Variants in CFAP97 observed in about 807,000 individuals in gnomAD.
The protein encoded by CFAP97 is cilia- and flagella-associated protein 97.
A neutral mutation model predicts 43.1 loss-of-function variants in CFAP97; 36 were observed. That is an observed-to-expected ratio of 0.84 (90% CI 0.64 to 1.10). The LOEUF is 1.10. CFAP97 is among the 50% of genes least tolerant of loss of function. The probability of loss-of-function intolerance (pLI) is 0.00; values close to 1 mark genes in which losing one functional copy is unlikely to be tolerated. For synonymous variants in CFAP97, 228 were observed against 225.7 expected, an observed-to-expected ratio of 1.01 and a Z score of -0.09; for missense variants, 657 against 620.3, an observed-to-expected ratio of 1.06 and a Z score of -0.63.
intron 3 of CFAP97, among the ~76,000 whole-genome samples, chr4:185,173,594 T>C (rs1456183001): frequency 3.9e-5 from 6 of 152,056 alleles, no homozygotes; most frequent in Non-Finnish European, 7.4e-5. Flanking sequence ...TGCTACAACA[T>C]AGATGAAACA....
At chr4:185,191,570 G>A (rs112853756) in intron 1 of CFAP97, among the ~76,000 whole-genome samples, 5,969 of 152,284 alleles carry the variant, frequency 0.039, 382 homozygotes, top group African/African-American at 0.13. Context: ...GGTGGCTCAT[G>A]CCTGTAATCC....
Position 185,175,834 on chromosome 4 carries a change from A to G in CFAP97, c.1272T>C (p.Ser424=), listed in dbSNP as rs769681094. Residue 424 remains serine (S), a synonymous_variant, in exon 3 of 5, where the codon AGT becomes AGC. Coordinates refer to ENST00000458385, the MANE Select transcript of CFAP97 (RefSeq NM_020827.3). ...GTTGTTCCTTCTGTCTGTTGAGAGC[A>G]CTGTGATATAACTTTGGGGGATGAT... ...SADHPPKLYH[S]ALNRQKEQQR... is the part of the protein sequence containing the mutation. The G allele has an allele frequency of 1.2e-6, 2 of 1,613,898 alleles. No individual in the cohort carries two copies. The highest frequency in any genetic ancestry group is 1.7e-6 in the Non-Finnish European group (2 of 1,179,848).
chr4:185,190,509 T>A lies in CFAP97; in HGVS notation c.688A>T (p.Thr230Ser), dbSNP rs1171860464. The change falls in exon 2 of 5, where the codon ACA becomes TCA. Residue 230 changes from threonine (T) to serine (S), a missense_variant. By Grantham distance (58) the Thr-to-Ser change is moderately conservative. Coordinates refer to ENST00000458385, the MANE Select transcript of CFAP97 (RefSeq NM_020827.3). ...GTAGTACTTGAAGGCTGTGTTTCTG[T>A]CGATTTTATTCCTGATTTATACTTG... is the stretch of plus-strand genomic sequence containing the variant. ...KHKYKSGIKS[T>S]ETQPSSTTPK... 6.2e-7 allele frequency: 1 copy of A among 1,613,838 alleles called. No individual in the cohort carries two copies. Among genetic ancestry groups the A allele is most frequent in the Non-Finnish European group, 8.5e-7 (1 of 1,179,884 alleles).
At chr4:185,186,217 G>A (rs1326073904) in intron 2 of CFAP97, among the ~76,000 whole-genome samples, 1 of 152,194 alleles carries the variant, frequency 6.6e-6, no homozygotes, top group African/African-American at 2.4e-5. Flanking sequence ...TGGATCACCT[G>A]AGGTCAGGAG....
intron 3 of CFAP97, among the ~76,000 whole-genome samples, chr4:185,168,553 G>C (rs1276689170): frequency 6.6e-6 from 1 of 151,518 alleles, no homozygotes; most frequent in African/African-American, 2.4e-5. Context: ...GCAGAGTGCT[G>C]CATCACTGCA....
intron 1 of CFAP97, among the ~76,000 whole-genome samples, chr4:185,191,950 A>G (rs62344943): frequency 5.8e-4 from 88 of 152,350 alleles, no homozygotes; most frequent in Middle Eastern, 6.8e-3. Flanking sequence ...CTTGAGAATA[A>G]TAGTCAAAAA....
chr4:185,202,038 T>A (rs899453039), intron 1 of CFAP97, among the ~76,000 whole-genome samples: 4 of 151,706 alleles, frequency 2.6e-5, no homozygotes, highest in Admixed American at 2.6e-4. Context: ...TTTTTGTTTT[T>A]CCCCCCATCC....
At position 185,197,298 on chromosome 4, in the gene CFAP97, T is replaced by C. The variant is rs545598480; in HGVS notation, c.-16-6086A>G. On this transcript the variant is annotated intron_variant, in intron 1 of 4. Coordinates refer to ENST00000458385, the MANE Select transcript of CFAP97 (RefSeq NM_020827.3). ...AACTCACAATCAAGTAATAAGTTTC[T>C]ATTAATTCTTGGCCCAGAATTAATA... 2.3e-4 allele frequency among the ~76,000 whole-genome samples: 35 copies of C among 152,298 alleles called. 1 individual carries two copies. In the South Asian group the frequency reaches 7.0e-3, roughly 31 times the overall value.
chr4:185,170,687 T>G (rs1282628929), intron 3 of CFAP97, among the ~76,000 whole-genome samples: 1 of 151,796 alleles, frequency 6.6e-6, no homozygotes, highest in Non-Finnish European at 1.5e-5. Flanking sequence ...ATTGAATGTT[T>G]TTATGAACTG....
At chr4:185,168,882 C>T (rs909270811) in intron 3 of CFAP97, 2 of 150,618 alleles carry the variant, frequency 1.3e-5, no homozygotes, top group South Asian at 4.2e-4. Flanking sequence ...CACTGCACTC[C>T]AGCCTGGGCA....
intron 1 of CFAP97, among the ~76,000 whole-genome samples, chr4:185,199,476 C>CT (rs1049686921): frequency 5.3e-5 from 8 of 152,190 alleles, no homozygotes; most frequent in Non-Finnish European, 8.8e-5. Flanking sequence ...CCAGACCAGC[C>CT]TGGCCAACAT....
In CFAP97 at chr4:185,190,820, T is replaced by C; in HGVS notation, c.377A>G (p.Glu126Gly). 5 of 1,606,810 alleles carry C rather than the reference T, an allele frequency of 3.1e-6. No individual in the cohort carries two copies. The highest frequency in any genetic ancestry group is 4.2e-6 in the Non-Finnish European group (5 of 1,177,196). The stretch of plus-strand genomic sequence containing the variant: ...ATCTGTGTAGTAATCATCTTCACCT[T>C]CTTTTACAATTTTGGGAATTCTATT... The part of the protein sequence containing the change: ...IPNRIPKIVK[E>G]GEDDYYTDGE... Residue 126 changes from glutamate (E) to glycine (G), a missense_variant, in exon 2 of 5, where the codon GAA (glutamate) becomes GGA (glycine). Coordinates refer to ENST00000458385, the MANE Select transcript of CFAP97 (RefSeq NM_020827.3).
chr4:185,192,979 A>G (rs1430548084), intron 1 of CFAP97, among the ~76,000 whole-genome samples: 1 of 151,884 alleles, frequency 6.6e-6, no homozygotes, highest in Non-Finnish European at 1.5e-5. Context: ...TGACCTTGTG[A>G]TCCGCCCACC....
At position 185,160,875 on chromosome 4, in the gene CFAP97, T is replaced by C. The variant is rs1006088569; in HGVS notation, c.*1923A>G. 1 of 146,986 alleles carries C rather than the reference T, an allele frequency of 6.8e-6. No individual in the cohort carries two copies. Among genetic ancestry groups the C allele is most frequent in the Non-Finnish European group, 1.5e-5 (1 of 66,536 alleles). 9.1% of individuals were successfully genotyped at this position (146,986 alleles called of 1,614,324 possible). ...ATAAAAATCTTTTTTAAAAGATTTT[T>C]AAAATAAAATTTATAAAAAAGATTT... On this transcript the variant is annotated 3_prime_UTR_variant, in exon 5 of 5. Coordinates refer to ENST00000458385, the MANE Select transcript of CFAP97 (RefSeq NM_020827.3).
intron 3 of CFAP97, among the ~76,000 whole-genome samples, chr4:185,167,631 CAG>C (rs1213375469): frequency 1.3e-5 from 2 of 152,258 alleles, no homozygotes; most frequent in East Asian, 3.9e-4. Flanking sequence ...GAAATAACCT[CAG>C]AGTCAGTTTT....
intron 1 of CFAP97, among the ~76,000 whole-genome samples, chr4:185,201,799 T>C (rs1736843416): frequency 6.6e-6 from 1 of 152,174 alleles, no homozygotes; most frequent in Non-Finnish European, 1.5e-5. Context: ...TACCGTCCCA[T>C]AGTTTCAATC....
chr4:185,204,655 C>A (rs1579281845), upstream of CFAP97, among the ~76,000 whole-genome samples: 1 of 152,166 alleles, frequency 6.6e-6, no homozygotes, highest in East Asian at 1.9e-4. Context: ...GATTAAGGAT[C>A]AAAATGGGAA....
intron 2 of CFAP97, among the ~76,000 whole-genome samples, chr4:185,187,997 A>G (rs1318008576): frequency 6.6e-6 from 1 of 152,050 alleles, no homozygotes; most frequent in African/African-American, 2.4e-5. Context: ...CCTGGGTTCA[A>G]GCAATTCTCC....
At chr4:185,195,304 C>A (rs1285065496) in intron 1 of CFAP97, among the ~76,000 whole-genome samples, 1 of 151,982 alleles carries the variant, frequency 6.6e-6, no homozygotes, top group Non-Finnish European at 1.5e-5. Context: ...CATAATGAGA[C>A]CCCGTTGCTA....
Sources: gnomAD v4.1 joint callset for allele counts (sites outside exome capture counted in the v4.1 genomes callset) on GRCh38, gnomAD v4.1.1 for gene constraint, MANE v1.5 for transcripts, NCBI Gene and HGNC (gene_info 2026-07-23, HGNC 2026-07-21) for gene names.